The following LILRA2 variants were observed in gnomAD, a reference collection of about 807,000 sequenced individuals.
LILRA2 encodes leukocyte immunoglobulin-like receptor subfamily A member 2.
LILRA2 carries 45 observed loss-of-function variants against 47.9 expected under a neutral mutation model. That is an observed-to-expected ratio of 0.94 (90% CI 0.74 to 1.20). LILRA2 has a LOEUF of 1.20. Ranked by LOEUF, LILRA2 falls within the 50% of genes most tolerant of loss-of-function variation. The pLI is 0.00. For missense variants in LILRA2, 651 were observed against 598.2 expected, an observed-to-expected ratio of 1.09 and a Z score of -0.92; for synonymous variants, 279 against 249.2, an observed-to-expected ratio of 1.12 and a Z score of -1.13.
In LILRA2 at chr19:54,587,572, C is replaced by T. The variant is rs975031433; in HGVS notation, c.*226C>T. On this transcript the variant is annotated 3_prime_UTR_variant, in exon 8 of 8. Coordinates refer to ENST00000391738, the MANE Select transcript of LILRA2 (RefSeq NM_001130917.3). ...TTTTTGTCTATGAATGTTGACTTCC[C>T]TTGACTGGATCCCCTTTTTTTCCCA... 9.2e-6 allele frequency: 7 copies of T among 764,588 alleles called. No homozygotes were observed. The East Asian group carries it at 1.4e-4, about 15-fold the overall frequency. 47.4% of individuals were successfully genotyped at this position (764,588 alleles called of 1,614,324 possible). A position where few individuals can be genotyped will look rare whatever the true frequency, so the allele number is the denominator to read the frequency against.
At chr19:54,586,468 A>G (rs971703114) in intron 6 of LILRA2, among the ~76,000 whole-genome samples, 1 of 152,188 alleles carries the variant, frequency 6.6e-6, no homozygotes, top group African/African-American at 2.4e-5. Context: ...ACGGAAGATG[A>G]AACCCCAGGT....
In LILRA2 at chr19:54,589,831, G is replaced by A. The variant is rs1458638857; in HGVS notation, c.*2485G>A. On this transcript the variant is annotated 3_prime_UTR_variant, in exon 8 of 8. Coordinates refer to ENST00000391738, the MANE Select transcript of LILRA2 (RefSeq NM_001130917.3). The stretch of plus-strand genomic sequence containing the variant: ...ACTCACCATTTTGACTCCTCTTAAC[G>A]AGACAGGCACATGCCAGCTGTTTCC... 6.6e-6 allele frequency: 1 copy of A among 152,130 alleles called. No individual in the cohort carries two copies. The highest frequency in any genetic ancestry group is 6.5e-5 in the Admixed American group (1 of 15,274). The allele number at this position is 152,130 out of a possible 1,614,324, so 9.4% of individuals were successfully genotyped here. A position where few individuals can be genotyped will look rare whatever the true frequency, so the allele number is the denominator to read the frequency against.
rs73939006 is a variant in LILRA2 at position 54,587,153 on chromosome 19, C to T, written c.1307-48C>T. 1.3e-3 allele frequency: 2,108 copies of T among 1,612,864 alleles called. 37 individuals are homozygous for T. The African/African-American group carries it at 0.024, about 19-fold the overall frequency. On this transcript the variant is annotated intron_variant, in intron 7 of 7. Transcript: ENST00000391738. The stretch of plus-strand genomic sequence containing the variant: ...GTGCCCTGGGTGGACATACAGGAGT[C>T]CCGGGGTGATTCCGATCTGCCCTGA...
intron 3 of LILRA2, 25 bp from the exon 4 acceptor site, chr19:54,574,706 A>G: frequency 6.2e-7 from 1 of 1,611,348 alleles, no homozygotes; most frequent in Non-Finnish European, 8.5e-7. Context: ...AGCCCCATTT[A>G]ACACAGTGCC....
At chr19:54,585,540 G>C (rs546423946) in intron 6 of LILRA2, among the ~76,000 whole-genome samples, 8 of 152,186 alleles carry the variant, frequency 5.3e-5, no homozygotes, top group Non-Finnish European at 1.0e-4. Context: ...ATCGCAGGTC[G>C]ATCTCAGACT....
upstream of LILRA2, chr19:54,573,542 A>G: frequency 1.2e-6 from 1 of 810,122 alleles, no homozygotes; most frequent in Non-Finnish European, 2.1e-6. Context: ...CCTCATCTGG[A>G]AGGGCAGACG....
Position 54,575,832 on chromosome 19 carries a change from C to A in LILRA2, c.978C>A (p.Leu326=). Reference sequence around the variant, plus strand: ...GACAGTTCTATGACAGACCCTCTCTCTCGGTGCAGCCGGTCCCCACAGTAG... The same window carrying A: ...GACAGTTCTATGACAGACCCTCTCTATCGGTGCAGCCGGTCCCCACAGTAG... ...ITGQFYDRPS[L]SVQPVPTVAP... is the part of the protein sequence containing the mutation. Residue 326 remains leucine, a synonymous_variant, in exon 6 of 8, where the codon CTC becomes CTA. Transcript: ENST00000391738. 6.2e-7 allele frequency: 1 copy of A among 1,613,792 alleles called. No individual in the cohort carries two copies. Among genetic ancestry groups the A allele is most frequent in the East Asian group, 2.2e-5 (1 of 44,868 alleles).
At chr19:54,584,660 G>C (rs947841227) in intron 6 of LILRA2, among the ~76,000 whole-genome samples, 1 of 152,150 alleles carries the variant, frequency 6.6e-6, no homozygotes, top group African/African-American at 2.4e-5. Context: ...GTTTATTGTA[G>C]TTAGCCATTC....
rs920765262 is a variant in LILRA2, at chr19:54,588,317, G to C, written c.*971G>C. The C allele has an allele frequency of 2.0e-5, 3 of 152,184 alleles. No homozygotes were observed. The highest frequency in any genetic ancestry group is 4.4e-5 in the Non-Finnish European group (3 of 68,070). 9.4% of individuals were successfully genotyped at this position (152,184 alleles called of 1,614,324 possible). On this transcript the variant is annotated 3_prime_UTR_variant, in exon 8 of 8. Coordinates refer to ENST00000391738, the MANE Select transcript of LILRA2 (RefSeq NM_001130917.3). ...TAACACGGCTCACCTAAAAATCAAA[G>C]TACATGCCGGGCGCGGTGGCTCACG...
At chr19:54,581,551 C>T (rs1016851445) in intron 6 of LILRA2, among the ~76,000 whole-genome samples, 3 of 147,774 alleles carry the variant, frequency 2.0e-5, no homozygotes, top group African/African-American at 7.7e-5. Flanking sequence ...TGTTCTGTTC[C>T]ATTGATCTAT....
intron 5 of LILRA2, 45 bp from the exon 6 acceptor site, chr19:54,575,762 C>A (rs2062395826): frequency 6.2e-7 from 1 of 1,609,182 alleles, no homozygotes. Flanking sequence ...GGTCTCAGCT[C>A]AGAACAAGGT....
At chr19:54,576,513 C>G (rs535001869) in intron 6 of LILRA2, among the ~76,000 whole-genome samples, 6 of 152,396 alleles carry the variant, frequency 3.9e-5, no homozygotes, top group African/African-American at 9.6e-5. Flanking sequence ...TTTCTAGACT[C>G]ATCTCAATGC....
chr19:54,589,541 C>G lies in LILRA2; in HGVS notation c.*2195C>G, dbSNP rs553855249. ...TACATTTAACCAAAGAGATGCAATA[C>G]GTATACATTGACAATTTTAAAATAC... is the stretch of plus-strand genomic sequence containing the variant. On this transcript the variant is annotated 3_prime_UTR_variant, in exon 8 of 8. Transcript: ENST00000391738. 6.6e-6 allele frequency: 1 copy of G among 152,020 alleles called. No individual in the cohort carries two copies. The highest frequency in any genetic ancestry group is 1.5e-5 in the Non-Finnish European group (1 of 67,994). The allele number at this position is 152,020 out of a possible 1,614,324, so 9.4% of individuals were successfully genotyped here. A position where few individuals can be genotyped will look rare whatever the true frequency, so the allele number is the denominator to read the frequency against.
chr19:54,573,574 T>G, upstream of LILRA2: 1 of 747,582 alleles, frequency 1.3e-6, no homozygotes, highest in East Asian at 2.7e-5. Flanking sequence ...CAGTTCTATT[T>G]GCTGCTACAT....
intron 1 of LILRA2, 56 bp from the exon 2 acceptor site, chr19:54,574,020 G>A: frequency 6.2e-7 from 1 of 1,614,070 alleles, no homozygotes; most frequent in African/African-American, 1.3e-5. Context: ...TCCCAGGGAG[G>A]GGAGGACCTG....
upstream of LILRA2, chr19:54,573,710 G>C: frequency 3.5e-6 from 5 of 1,432,378 alleles, no homozygotes; most frequent in African/African-American, 1.4e-5. Flanking sequence ...CTAAAGGTAT[G>C]ACAGCCAGGC....
Position 54,580,192 on chromosome 19 carries a change from C to CTTTTTT in LILRA2, c.1255+4087_1255+4088insTTTTTT, listed in dbSNP as rs1203757541. On this transcript the variant is annotated intron_variant, in intron 6 of 7. Coordinates refer to ENST00000391738, the MANE Select transcript of LILRA2 (RefSeq NM_001130917.3). The stretch of plus-strand genomic sequence containing the variant: ...GAAATTCTTGTCTTGTGCCGGTTTT[C>CTTTTTT]TTTTCTTTTTTTTTTTTTTTTATTA... Among the ~76,000 whole-genome samples the CTTTTTT allele has an allele frequency of 9.3e-4, 104 of 111,902 alleles. 1 individual carries two copies. The highest frequency in any genetic ancestry group is 1.1e-3 in the African/African-American group (33 of 28,832). The allele number at this position is 111,902 out of a possible 152,430, so 73.4% of individuals were successfully genotyped here.
Position 54,574,915 on chromosome 19 carries a change from C to T in LILRA2, c.537C>T (p.Ile179=), listed in dbSNP as rs1231050039. The change falls in exon 4 of 8, where the codon ATC becomes ATT. Residue 179 remains isoleucine, a synonymous_variant. Coordinates refer to ENST00000391738, the MANE Select transcript of LILRA2 (RefSeq NM_001130917.3). ...HSHARGWSWA[I]FSVGPVSPSR... is the part of the protein sequence containing the mutation. The stretch of plus-strand genomic sequence containing the variant: ...ATGCCCGTGGGTGGTCCTGGGCCAT[C>T]TTCTCCGTGGGCCCCGTGAGCCCGA... 2 of 1,614,282 alleles carry T rather than the reference C, an allele frequency of 1.2e-6. No individual in the cohort carries two copies. Among genetic ancestry groups the T allele is most frequent in the Non-Finnish European group, 1.7e-6 (2 of 1,180,042 alleles).
chr19:54,587,049 A>G lies in LILRA2; in HGVS notation c.1295A>G (p.Asp432Gly), dbSNP rs1244113525. Residue 432 changes from aspartate to glycine, a missense_variant, in exon 7 of 8, where the codon GAC becomes GGC. Coordinates refer to ENST00000391738, the MANE Select transcript of LILRA2 (RefSeq NM_001130917.3). ...ETLSPSQNKT[D>G]STTTSLGQHP... Reference sequence around the variant, plus strand: ...CTCAGCCCATCACAAAACAAGACAGACTCCACGACTAGTGAGTGAGGAGAT... The same window carrying G: ...CTCAGCCCATCACAAAACAAGACAGGCTCCACGACTAGTGAGTGAGGAGAT... 1 of 1,613,390 alleles carries G rather than the reference A, an allele frequency of 6.2e-7. No individual in the cohort carries two copies.
Sources: allele counts gnomAD v4.1 joint callset (sites outside exome capture counted in the v4.1 genomes callset), GRCh38; gene constraint gnomAD v4.1.1; transcripts MANE v1.5; gene names NCBI Gene and HGNC (gene_info 2026-07-23, HGNC 2026-07-21).